TRIM51G: variants seen among roughly 807,000 people sequenced by gnomAD.
The protein encoded by TRIM51G is tripartite motif-containing 51G, also known as tripartite motif-containing protein 51G.
the TRIM51G span, chr11:48,977,028 A>C: frequency 1.4e-6 from 1 of 693,118 alleles, no homozygotes. Context: ...TATTACCCCC[A>C]TGATTCTAAC....
the TRIM51G span, chr11:48,981,498 A>G: frequency 2.5e-6 from 4 of 1,606,194 alleles, no homozygotes; most frequent in Admixed American, 6.7e-5. Context: ...AACAAATGTT[A>G]GTTTTGAGGT....
At chr11:48,976,990 T>C in the TRIM51G span, 5 of 616,720 alleles carry the variant, frequency 8.1e-6, no homozygotes, top group East Asian at 3.2e-5. Context: ...CCTGCTGAAA[T>C]GAAATAAAGA....
At chr11:48,976,870 G>C in the TRIM51G span, among the ~76,000 whole-genome samples, 1 of 151,760 alleles carries the variant, frequency 6.6e-6, no homozygotes, top group African/African-American at 2.4e-5. Context: ...CTCTATACAT[G>C]TGAGCCCAGA....
At chr11:48,978,924 A>C in the TRIM51G span, 2 of 1,586,536 alleles carry the variant, frequency 1.3e-6, no homozygotes, top group Non-Finnish European at 1.7e-6. Flanking sequence ...ATCCTCATAC[A>C]TTCCTCTTAA....
the TRIM51G span, among the ~76,000 whole-genome samples, chr11:48,983,391 A>G: frequency 6.6e-6 from 1 of 151,932 alleles, no homozygotes; most frequent in African/African-American, 2.4e-5. Flanking sequence ...TAATGTTATG[A>G]AAGCACATTT....
the TRIM51G span, among the ~76,000 whole-genome samples, chr11:48,977,685 T>G: frequency 6.6e-6 from 1 of 152,112 alleles, no homozygotes; most frequent in Non-Finnish European, 1.5e-5. Flanking sequence ...AATTATATAT[T>G]TAAATATAAA....
the TRIM51G span, chr11:48,975,689 T>C: frequency 6.6e-7 from 1 of 1,505,618 alleles, no homozygotes; most frequent in East Asian, 2.3e-5. Context: ...GTAAAGAGAC[T>C]GCAGTGAGTG....
the TRIM51G span, chr11:48,979,142 T>A: frequency 1.4e-6 from 1 of 693,202 alleles, no homozygotes; most frequent in Non-Finnish European, 2.7e-6. Flanking sequence ...GTTTTATCCA[T>A]CTTCTCTTGA....
the TRIM51G span, among the ~76,000 whole-genome samples, chr11:48,977,981 CA>C: frequency 6.6e-6 from 1 of 151,414 alleles, no homozygotes; most frequent in Admixed American, 6.6e-5. Context: ...CTGAGTATGG[CA>C]ACAAAATAGA....
chr11:48,983,454 G>A, the TRIM51G span, among the ~76,000 whole-genome samples: 2 of 151,934 alleles, frequency 1.3e-5, no homozygotes, highest in Non-Finnish European at 1.5e-5. Context: ...ATTAGTACAT[G>A]CAGTACACAT....
At chr11:48,977,990 A>G in the TRIM51G span, 3 of 395,394 alleles carry the variant, frequency 7.6e-6, no homozygotes, top group South Asian at 3.9e-5. Flanking sequence ...GCAACAAAAT[A>G]GATGACTACA....
chr11:48,978,836 T>C, the TRIM51G span: 1 of 941,010 alleles, frequency 1.1e-6, no homozygotes, highest in Non-Finnish European at 1.8e-6. Flanking sequence ...TCCACTTGAA[T>C]CTTCAACATC....
At chr11:48,979,001 C>A in the TRIM51G span, 11 of 1,360,346 alleles carry the variant, frequency 8.1e-6, no homozygotes, top group South Asian at 1.1e-4. Flanking sequence ...CCTCGCCCTC[C>A]TTTTGCAGCC....
At chr11:48,980,962 T>A in the TRIM51G span, 2 of 517,000 alleles carry the variant, frequency 3.9e-6, no homozygotes, top group Non-Finnish European at 3.9e-6. Context: ...TTTTCACACA[T>A]TTTTCTCCAT....
chr11:48,982,645 C>G, the TRIM51G span, among the ~76,000 whole-genome samples: 6 of 151,400 alleles, frequency 4.0e-5, no homozygotes, highest in South Asian at 1.3e-3. Flanking sequence ...ATTGGTATCT[C>G]CAGGACACTA....
chr11:48,982,646 C>T, the TRIM51G span, among the ~76,000 whole-genome samples: 4 of 151,402 alleles, frequency 2.6e-5, no homozygotes, highest in Admixed American at 6.6e-5. Context: ...TTGGTATCTC[C>T]AGGACACTAG....
chr11:48,979,121 A>G, the TRIM51G span: 1 of 745,402 alleles, frequency 1.3e-6, no homozygotes, highest in Non-Finnish European at 2.5e-6. Context: ...ACAATTAGTC[A>G]AAATAGAAAT....
chr11:48,977,040 A>G, the TRIM51G span: 3 of 730,332 alleles, frequency 4.1e-6, no homozygotes, highest in Middle Eastern at 2.4e-4. Flanking sequence ...GATTCTAACA[A>G]GAAGTAATAC....
chr11:48,980,027 G>C, the TRIM51G span, among the ~76,000 whole-genome samples: 1 of 151,856 alleles, frequency 6.6e-6, no homozygotes, highest in South Asian at 2.1e-4. Context: ...CTTCCTGCTT[G>C]ATTATTCTCC....
Sources: allele counts gnomAD v4.1 joint callset (sites outside exome capture counted in the v4.1 genomes callset), GRCh38; gene constraint gnomAD v4.1.1; transcripts MANE v1.5; gene names NCBI Gene and HGNC (gene_info 2026-07-23, HGNC 2026-07-21).